The following CNPY1 variants were observed in gnomAD, a reference collection of about 807,000 sequenced individuals.
CNPY1 encodes the protein protein canopy homolog 1.
Under a neutral mutation model 14.4 loss-of-function variants are expected in CNPY1, and 14 were observed. That is an observed-to-expected ratio of 0.97 (90% CI 0.64 to 1.52). CNPY1 has a LOEUF of 1.52. Ranked by LOEUF, CNPY1 falls within the 40% of genes most tolerant of loss-of-function variation. The pLI is 0.00. For synonymous variants in CNPY1, 43 were observed against 46.5 expected (o/e 0.92, Z 0.31); for missense variants, 129 against 131.5 (o/e 0.98, Z 0.09).
At chr7:155,541,563 C>T (rs1253221059) in intron 2 of CNPY1, among the ~76,000 whole-genome samples, 1 of 152,208 alleles carries the variant, frequency 6.6e-6, no homozygotes, top group African/African-American at 2.4e-5. Flanking sequence ...TCCCTTCTAG[C>T]CTGCTTGGCA....
At chr7:155,508,345 A>T (rs2116679680) in intron 3 of CNPY1, among the ~76,000 whole-genome samples, 1 of 152,354 alleles carries the variant, frequency 6.6e-6, no homozygotes, top group Admixed American at 6.5e-5. Context: ...GAATATTCGA[A>T]TTAACTCAGG....
intron 2 of CNPY1, among the ~76,000 whole-genome samples, chr7:155,527,740 C>T (rs866700907): frequency 3.9e-5 from 6 of 152,078 alleles, no homozygotes; most frequent in Admixed American, 2.0e-4. Flanking sequence ...GGCTGAGCCA[C>T]GGCAGCTGGC....
chr7:155,506,705 T>C (rs754956696), intron 4 of CNPY1: 23 of 269,530 alleles, frequency 8.5e-5, no homozygotes, highest in Non-Finnish European at 1.4e-4. Flanking sequence ...TCAAAGTTTT[T>C]AAAAAGAAAG....
chr7:155,511,347 T>G (rs1036112599), intron 2 of CNPY1, among the ~76,000 whole-genome samples: 6 of 152,186 alleles, frequency 3.9e-5, no homozygotes, highest in African/African-American at 1.4e-4. Context: ...CAGAACATTG[T>G]GAGCTATTTG....
At chr7:155,519,678 A>T (rs564121572) in intron 2 of CNPY1, among the ~76,000 whole-genome samples, 3 of 152,218 alleles carry the variant, frequency 2.0e-5, no homozygotes, top group African/African-American at 7.2e-5. Context: ...TTCCTGTTAA[A>T]TAAAATCTTT....
chr7:155,526,541 A>G lies in CNPY1; in HGVS notation c.100-17444T>C, dbSNP rs150561287. ...CCACATTCACAATGGCATAAAAGAC[A>G]AACCACCCAGTAGAATACTGGGCAA... On this transcript the variant is annotated intron_variant, in intron 2 of 4. Coordinates refer to ENST00000636446, the MANE Select transcript of CNPY1 (RefSeq NM_001393663.1). 7.1e-3 allele frequency among the ~76,000 whole-genome samples: 1,074 copies of G among 152,250 alleles called. 13 individuals are homozygous for G. The highest frequency in any genetic ancestry group is 0.024 in the African/African-American group (1,008 of 41,526).
chr7:155,527,062 T>C (rs10262078), intron 2 of CNPY1, among the ~76,000 whole-genome samples: 10 of 16,352 alleles, frequency 6.1e-4, no homozygotes, highest in East Asian at 3.2e-3. Context: ...TTCTTTTTTT[T>C]TTTTTTTTTG....
At position 155,542,301 on chromosome 7, in the gene CNPY1, G is replaced by A. The variant is rs951624084; in HGVS notation, c.99+3530C>T. Among the ~76,000 whole-genome samples the A allele has an allele frequency of 5.9e-5, 9 of 151,422 alleles. No homozygotes were observed. In the East Asian group the frequency reaches 1.2e-3, roughly 20 times the overall value. ...TGCTTGGTCCTGCCAGCTGCTCCCC[G>A]GACCTACGGGTCTGGGAGTCACCAG... On this transcript the variant is annotated intron_variant, in intron 2 of 4. Coordinates refer to ENST00000636446, the MANE Select transcript of CNPY1 (RefSeq NM_001393663.1).
intron 2 of CNPY1, among the ~76,000 whole-genome samples, chr7:155,530,382 C>T (rs1796916442): frequency 6.7e-6 from 1 of 149,162 alleles, no homozygotes; most frequent in East Asian, 2.0e-4. Context: ...TCACTATCGC[C>T]TTAAACTCCT....
intron 2 of CNPY1, among the ~76,000 whole-genome samples, chr7:155,532,348 G>GC (rs1796951291): frequency 6.6e-6 from 1 of 152,068 alleles, no homozygotes; most frequent in South Asian, 2.1e-4. Context: ...ATGGGCCCGG[G>GC]GCCGTGGCTC....
At chr7:155,530,642 A>G (rs1796921618) in intron 2 of CNPY1, among the ~76,000 whole-genome samples, 1 of 152,190 alleles carries the variant, frequency 6.6e-6, no homozygotes, top group African/African-American at 2.4e-5. Flanking sequence ...GCAGCCTCAG[A>G]TCATTCTTTA....
At chr7:155,511,464 A>C (rs1796530211) in intron 2 of CNPY1, among the ~76,000 whole-genome samples, 1 of 152,170 alleles carries the variant, frequency 6.6e-6, no homozygotes, top group Non-Finnish European at 1.5e-5. Flanking sequence ...CCTAGGTTGC[A>C]CCTTTTGGAA....
At chr7:155,534,739 A>G (rs1435806048) in intron 2 of CNPY1, among the ~76,000 whole-genome samples, 1 of 151,962 alleles carries the variant, frequency 6.6e-6, no homozygotes, top group Non-Finnish European at 1.5e-5. Flanking sequence ...ACGTAATGGG[A>G]CTCCGGCCTC....
At chr7:155,519,930 C>T (rs1796686928) in intron 2 of CNPY1, among the ~76,000 whole-genome samples, 1 of 152,224 alleles carries the variant, frequency 6.6e-6, no homozygotes, top group Admixed American at 6.5e-5. Flanking sequence ...CATAGCTCCT[C>T]TCATAGTTCC....
Position 155,508,895 on chromosome 7 carries a change from GC to G in CNPY1, c.301del (p.Ala101ArgfsTer5), listed in dbSNP as rs776661200. 8 of 1,612,756 alleles carry G rather than the reference GC, an allele frequency of 5.0e-6. No homozygotes were observed. The South Asian group carries it at 8.8e-5, about 18-fold the overall frequency. On this transcript the variant is annotated frameshift_variant and splice_region_variant, in exon 3 of 5. Transcript: ENST00000636446. LOFTEE classifies it high-confidence loss of function. The part of the protein sequence containing the change: ...YSDAYRPLKF[A>X]CETIIEEYED... The stretch of plus-strand genomic sequence containing the variant: ...TCATCTGCAAGGAAGAGAGCTTACC[GC>G]AAATTTCAAAGGTCTGTAAGCATCA...
In CNPY1 at chr7:155,527,363, C is replaced by T. The variant is rs973678704; in HGVS notation, c.100-18266G>A. ...GACTCTGATGGGAATGGAGCGGGGT[C>T]GGGAGGTAGACATGCGTCTTTTCTC... is the stretch of plus-strand genomic sequence containing the variant. On this transcript the variant is annotated intron_variant, in intron 2 of 4. Transcript: ENST00000636446. Among the ~76,000 whole-genome samples, 10 of 148,320 alleles carry T rather than the reference C, an allele frequency of 6.7e-5. No individual in the cohort carries two copies. In the East Asian group the frequency reaches 1.8e-3, roughly 27 times the overall value.
Position 155,502,947 on chromosome 7 carries a change from A to G in CNPY1, c.*121T>C. The stretch of plus-strand genomic sequence containing the variant: ...CAAAATGAATCATAAACGGAGACAA[A>G]CACGGTATAAACAAGAGACAAAATT... On this transcript the variant is annotated 3_prime_UTR_variant, in exon 5 of 5. Transcript: ENST00000636446. 1.3e-6 allele frequency: 1 copy of G among 797,114 alleles called. No homozygotes were observed. The highest frequency in any genetic ancestry group is 2.0e-6 in the Non-Finnish European group (1 of 497,952). 49.4% of individuals were successfully genotyped at this position (797,114 alleles called of 1,614,324 possible). A position where few individuals can be genotyped will look rare whatever the true frequency, so the allele number is the denominator to read the frequency against.
In CNPY1 at chr7:155,527,058, T is replaced by TTTCTTTCTTTC. The variant is rs751755665; in HGVS notation, c.100-17962_100-17961insGAAAGAAAGAA. ...TCTTTCTTTCTTTCTTTCTTTCTTT[T>TTTCTTTCTTTC]TTTTTTTTTTTTTGAGACAGTCTTG... On this transcript the variant is annotated intron_variant, in intron 2 of 4. Coordinates refer to ENST00000636446, the MANE Select transcript of CNPY1 (RefSeq NM_001393663.1). Among the ~76,000 whole-genome samples, 255 of 39,488 alleles carry TTTCTTTCTTTC rather than the reference T, an allele frequency of 6.5e-3. 1 individual carries two copies. The highest frequency in any genetic ancestry group is 0.013 in the East Asian group (21 of 1,564). 25.9% of individuals were successfully genotyped at this position (39,488 alleles called of 152,430 possible).
chr7:155,535,893 T>G (rs1472273124), intron 2 of CNPY1, among the ~76,000 whole-genome samples: 1 of 152,228 alleles, frequency 6.6e-6, no homozygotes, highest in Non-Finnish European at 1.5e-5. Flanking sequence ...ATCAGGATTT[T>G]CTGGAGAAGA....
Sources: allele counts gnomAD v4.1 joint callset (sites outside exome capture counted in the v4.1 genomes callset), GRCh38; gene constraint gnomAD v4.1.1; transcripts MANE v1.5; gene names NCBI Gene and HGNC (gene_info 2026-07-23, HGNC 2026-07-21).